Variants in DAB1 observed in about 807,000 individuals in gnomAD.
DAB1 encodes disabled homolog 1.
A neutral mutation model predicts 64.6 loss-of-function variants in DAB1; 15 were observed. The ratio of observed to expected loss-of-function variants is 0.23; its 90% CI spans 0.16 to 0.36. The LOEUF (loss-of-function observed/expected upper bound fraction) is 0.36. Among genes scored for constraint, DAB1 ranks in the 10% least tolerant of loss-of-function variants. The probability of loss-of-function intolerance (pLI) is 1.00; values close to 1 mark genes in which losing one functional copy is unlikely to be tolerated. For synonymous variants in DAB1, 235 were observed against 251.9 expected, an observed-to-expected ratio of 0.93 and a Z score of 0.64; for missense variants, 596 against 706.7, an observed-to-expected ratio of 0.84 and a Z score of 1.78.
At chr1:57,411,870 C>T (rs914807101) in intron 1 of DAB1, among the ~76,000 whole-genome samples, 1 of 152,204 alleles carries the variant, frequency 6.6e-6, no homozygotes, top group Non-Finnish European at 1.5e-5. Flanking sequence ...GCACCTAGTA[C>T]AGACATACCT....
chr1:58,173,826 G>T (rs139249467), intron 4 of DAB1, among the ~76,000 whole-genome samples: 7,570 of 152,116 alleles, frequency 0.05, 221 homozygotes, highest in Admixed American at 0.078. Context: ...CATTAACATT[G>T]CCCCAGGAAA....
intron 14 of DAB1, among the ~76,000 whole-genome samples, chr1:57,009,078 G>A (rs1260733369): frequency 1.3e-5 from 2 of 152,220 alleles, no homozygotes; most frequent in Admixed American, 6.5e-5. Context: ...TGCAAATGGT[G>A]TAAGTCATCT....
rs571053699 is a variant in DAB1, at chr1:58,307,288, C to T, written n.309+36064G>A. 1.7e-4 allele frequency among the ~76,000 whole-genome samples: 26 copies of T among 152,322 alleles called. No homozygotes were observed. In the South Asian group the frequency reaches 5.2e-3, roughly 30 times the overall value. ...TATTTAGGGCCTACTGCATGCCAGG[C>T]AGTCTGTTAGACACTGAAAGCCTGA... On this transcript the variant is annotated intron_variant and non_coding_transcript_variant, in intron 4 of 20. Coordinates refer to the DAB1 transcript ENST00000485760.
chr1:57,428,898 T>G (rs180847049), upstream of DAB1, among the ~76,000 whole-genome samples: 3,144 of 147,360 alleles, frequency 0.021, 108 homozygotes, highest in African/African-American at 0.069. Context: ...TTTGATTTTT[T>G]TTGTTGTTGT....
At chr1:57,820,671 C>T (rs1201137692) in intron 6 of DAB1, among the ~76,000 whole-genome samples, 6 of 152,132 alleles carry the variant, frequency 3.9e-5, no homozygotes, top group African/African-American at 1.2e-4. Context: ...AGAAACTAGT[C>T]CTGATGTTAC....
chr1:58,277,887 G>A (rs952257552), intron 4 of DAB1, among the ~76,000 whole-genome samples: 6 of 152,098 alleles, frequency 3.9e-5, no homozygotes, highest in African/African-American at 1.2e-4. Context: ...TCCCACTTGT[G>A]TGGTTGCTGG....
chr1:58,005,948 T>C (rs1025622415), intron 5 of DAB1, among the ~76,000 whole-genome samples: 2 of 152,164 alleles, frequency 1.3e-5, no homozygotes, highest in South Asian at 2.1e-4. Flanking sequence ...CCCAAGGACA[T>C]ACAATAAGCA....
chr1:57,394,973 T>G (rs886448972), intron 1 of DAB1, among the ~76,000 whole-genome samples: 1 of 152,198 alleles, frequency 6.6e-6, no homozygotes, highest in Non-Finnish European at 1.5e-5. Flanking sequence ...TAAAAATTGG[T>G]TGTTTTTGCA....
At chr1:57,935,294 T>G (rs1368963873) in intron 5 of DAB1, among the ~76,000 whole-genome samples, 3 of 152,192 alleles carry the variant, frequency 2.0e-5, no homozygotes, top group Non-Finnish European at 4.4e-5. Flanking sequence ...AAACCTCTCT[T>G]TCTGCATCTG....
rs1003852182 is a variant in DAB1 at position 57,974,698 on chromosome 1, G to A, written n.388-90536C>T. Among the ~76,000 whole-genome samples the A allele has an allele frequency of 2.0e-5, 3 of 151,818 alleles. No individual in the cohort carries two copies. The East Asian group carries it at 5.8e-4, about 29-fold the overall frequency. On this transcript the variant is annotated intron_variant and non_coding_transcript_variant, in intron 5 of 20. Transcript: ENST00000485760. ...CATATGCCTTACATACATACCCATG[G>A]CCCACATGCATATGTCTTGCACATA...
chr1:57,591,955 A>G (rs1645450472), intron 7 of DAB1, among the ~76,000 whole-genome samples: 1 of 152,196 alleles, frequency 6.6e-6, no homozygotes, highest in South Asian at 2.1e-4. Flanking sequence ...ATCCTTAGCT[A>G]CAAATACACT....
At chr1:58,205,096 T>C (rs1448150237) in intron 4 of DAB1, among the ~76,000 whole-genome samples, 2 of 152,132 alleles carry the variant, frequency 1.3e-5, no homozygotes, top group African/African-American at 2.4e-5. Context: ...ACACAGCAAG[T>C]AGGATTACAT....
chr1:57,144,023 A>G (rs1212753040), intron 3 of DAB1, among the ~76,000 whole-genome samples: 3 of 151,722 alleles, frequency 2.0e-5, no homozygotes, highest in South Asian at 2.1e-4. Flanking sequence ...TTTTAATTCC[A>G]ATTTTATTAC....
At chr1:57,568,168 A>T (rs1270458575) in intron 7 of DAB1, among the ~76,000 whole-genome samples, 1 of 152,208 alleles carries the variant, frequency 6.6e-6, no homozygotes, top group Non-Finnish European at 1.5e-5. Context: ...ACAAACAAGA[A>T]ATGGGGAAAG....
intron 1 of DAB1, among the ~76,000 whole-genome samples, chr1:57,370,130 C>T (rs1420683085): frequency 6.6e-6 from 1 of 152,172 alleles, no homozygotes; most frequent in Non-Finnish European, 1.5e-5. Context: ...ATGCTGTACT[C>T]TACAGGCATT....
intron 1 of DAB1, among the ~76,000 whole-genome samples, chr1:58,531,484 T>C (rs1290840097): frequency 2.0e-5 from 3 of 152,222 alleles, no homozygotes; most frequent in Non-Finnish European, 2.9e-5. Context: ...AGATTGTTCA[T>C]GGTTTGCCAT....
chr1:57,670,479 T>A (rs1328018417), intron 6 of DAB1, among the ~76,000 whole-genome samples: 1 of 152,062 alleles, frequency 6.6e-6, no homozygotes, highest in African/African-American at 2.4e-5. Context: ...TCTTTTTATA[T>A]GTGGGTCAAT....
intron 5 of DAB1, among the ~76,000 whole-genome samples, chr1:57,949,096 A>C (rs1304437711): frequency 6.6e-6 from 1 of 152,008 alleles, no homozygotes; most frequent in African/African-American, 2.4e-5. Context: ...TCTTAGTGTT[A>C]CGTTAAGCCA....
intron 7 of DAB1, among the ~76,000 whole-genome samples, chr1:57,518,171 A>C (rs1039608720): frequency 1.1e-4 from 16 of 151,616 alleles, no homozygotes; most frequent in Admixed American, 3.3e-4. Flanking sequence ...CTTGTGCTAA[A>C]CTTAATTGTC....
Sources: allele counts gnomAD v4.1 joint callset (sites outside exome capture counted in the v4.1 genomes callset), GRCh38; gene constraint gnomAD v4.1.1; transcripts MANE v1.5; gene names NCBI Gene and HGNC (gene_info 2026-07-23, HGNC 2026-07-21).